SLC9A6: variants seen among roughly 807,000 people sequenced by gnomAD.
SLC9A6 encodes solute carrier family 9 member A6.
In SLC9A6, 6 loss-of-function variants were observed where a neutral mutation model predicts 45.3. That is an observed-to-expected ratio of 0.13 (90% CI 0.07 to 0.26). The LOEUF is 0.26. Among genes scored for constraint, SLC9A6 ranks in the 10% least tolerant of loss-of-function variants. The pLI, the probability that SLC9A6 is intolerant of heterozygous loss-of-function variation, is 1.00. For synonymous variants in SLC9A6, 191 were observed against 187.7 expected, an observed-to-expected ratio of 1.02 and a Z score of -0.14; for missense variants, 278 against 503.7, an observed-to-expected ratio of 0.55 and a Z score of 4.29.
At chrX:136,038,374 C>T (rs1432253055) in intron 16 of SLC9A6, among the ~76,000 whole-genome samples, 2 of 112,078 alleles carry the variant, frequency 1.8e-5, no homozygotes, top group Non-Finnish European at 3.8e-5. Context: ...ACTAGTCTTG[C>T]ATTGCTGGAA....
chrX:136,009,020 G>T (rs781839644), intron 7 of SLC9A6, among the ~76,000 whole-genome samples: 1 of 111,982 alleles, frequency 8.9e-6, no homozygotes, highest in Non-Finnish European at 1.9e-5. Flanking sequence ...TAGGTATTTT[G>T]TTCCAGAGAG....
chrX:136,013,464 T>C (rs2070960868), intron 10 of SLC9A6, 27 bp downstream of exon 10: 11 of 1,035,479 alleles, frequency 1.1e-5, no homozygotes, highest in Non-Finnish European at 1.5e-5. Context: ...AGTTTGTGAA[T>C]AGGCTTTTCC....
chrX:135,994,962 C>G lies in SLC9A6; in HGVS notation c.346C>G (p.Gln116Glu). The G allele has an allele frequency of 1.0e-5, 12 of 1,191,724 alleles. No homozygotes were observed. The highest frequency in any genetic ancestry group is 1.4e-5 in the Non-Finnish European group (12 of 877,817). Residue 116 changes from glutamine to glutamate, a missense_variant, in exon 3 of 18, where the codon CAA (glutamine) becomes GAA (glutamate). By Grantham distance (29) the Gln-to-Glu change is conservative (BLOSUM62 2). Around this residue, in one of 5 missense-constraint regions of SLC9A6, gnomAD observed 118 missense variants for 209.9 expected, o/e 0.56. Coordinates refer to ENST00000630721, the MANE Select transcript of SLC9A6 (RefSeq NM_001379110.1). ...EISSHELNNV[Q>E]DNEMLRKVTF... ...TAGTTCACATGAACTCAATAATGTT[C>G]AAGATAATGAAATGCTTAGAAAGGT... is the stretch of plus-strand genomic sequence containing the variant.
chrX:136,011,206 A>G (rs548489389), intron 8 of SLC9A6, among the ~76,000 whole-genome samples: 2 of 112,497 alleles, frequency 1.8e-5, no homozygotes, highest in African/African-American at 6.5e-5. Context: ...GCACTTGTGC[A>G]TCCTGAATCT....
At chrX:136,002,072 T>A (rs1556617427) in intron 6 of SLC9A6, 36 bp from the exon 7 acceptor site, 46 of 890,847 alleles carry the variant, frequency 5.2e-5, no homozygotes, top group Non-Finnish European at 7.5e-5. Context: ...ATATTTGTAA[T>A]GTCTAAGTAT....
At chrX:136,025,070 A>G (rs2071203271) in intron 13 of SLC9A6, among the ~76,000 whole-genome samples, 1 of 112,500 alleles carries the variant, frequency 8.9e-6, no homozygotes, top group African/African-American at 3.2e-5. Flanking sequence ...TCACCAGGTC[A>G]GATAAAAAAT....
In SLC9A6 at chrX:135,996,598, G is replaced by A. The variant is rs191396394; in HGVS notation, c.370-1510G>A. 3.6e-5 allele frequency among the ~76,000 whole-genome samples: 4 copies of A among 111,632 alleles called. No homozygotes were observed. The East Asian group carries it at 1.1e-3, about 31-fold the overall frequency. On this transcript the variant is annotated intron_variant, in intron 3 of 17. Coordinates refer to ENST00000630721, the MANE Select transcript of SLC9A6 (RefSeq NM_001379110.1). ...GCTATCGGAAGTAGAAATCTGAGCTGTACAGAAACTTTTTACTACAATATT... is the reference window on the plus strand; with the variant it reads ...GCTATCGGAAGTAGAAATCTGAGCTATACAGAAACTTTTTACTACAATATT...
intron 17 of SLC9A6, among the ~76,000 whole-genome samples, 153 bp from the exon 18 acceptor site, chrX:136,044,299 G>T (rs948860740): frequency 1.8e-5 from 2 of 111,278 alleles, no homozygotes; most frequent in Non-Finnish European, 1.9e-5. Context: ...AAGTCACGCT[G>T]TATTTTAAGC....
upstream of SLC9A6, chrX:135,974,488 GCCGAGGGGCGGGAGGA>G: frequency 8.4e-6 from 2 of 237,707 alleles, no homozygotes; most frequent in Admixed American, 4.5e-5. Flanking sequence ...AGGAGGTGGG[GCCGAGGGGCGGGAGGA>G]GGTGGGGCCG....
intron 12 of SLC9A6, 45 bp downstream of exon 12, chrX:136,022,742 A>G (rs781846265): frequency 1.4e-5 from 11 of 784,601 alleles, no homozygotes; most frequent in African/African-American, 2.1e-5. Flanking sequence ...GCAACCATTC[A>G]CAATGCGTGT....
In SLC9A6 at chrX:135,985,826, T is replaced by C. The variant is rs782671441; in HGVS notation, c.168T>C (p.Tyr56=). ...FLHETGLAMI[Y]GLLVGLVLRY... ...ACGAAACCGGCCTGGCTATGATTTA[T>C]GGCAAGTTCCTCAACCCTTGTCAGC... is the stretch of plus-strand genomic sequence containing the variant. Residue 56 remains tyrosine, a splice_region_variant and synonymous_variant, in exon 2 of 18, where the codon TAT becomes TAC. Coordinates refer to ENST00000630721, the MANE Select transcript of SLC9A6 (RefSeq NM_001379110.1). 4.1e-6 allele frequency: 5 copies of C among 1,211,348 alleles called. No individual in the cohort carries two copies. In the Admixed American group the frequency reaches 8.7e-5, roughly 21 times the overall value.
intron 6 of SLC9A6, among the ~76,000 whole-genome samples, chrX:136,000,920 G>A (rs917331693): frequency 2.5e-4 from 28 of 111,309 alleles, no homozygotes; most frequent in Middle Eastern, 4.7e-3. Flanking sequence ...AGGGGTTTGA[G>A]GCTGCAGTGA....
chrX:135,998,464 CTTT>C lies in SLC9A6; in HGVS notation c.448-8_448-6del. The C allele has an allele frequency of 2.4e-6, 2 of 839,001 alleles. No homozygotes were observed. The highest frequency in any genetic ancestry group is 3.3e-6 in the Non-Finnish European group (2 of 614,977). 69.1% of individuals were successfully genotyped at this position (839,001 alleles called of 1,213,427 possible). A position where few individuals can be genotyped will look rare whatever the true frequency, so the allele number is the denominator to read the frequency against. ...ACTGGTAAGTATTCTAACAGTGTAACTTTTTTTTTTTTGTCAGAGACATTTTTT... is the reference window on the plus strand; with the variant it reads ...ACTGGTAAGTATTCTAACAGTGTAACTTTTTTTTTGTCAGAGACATTTTTT... On this transcript the variant is annotated splice_polypyrimidine_tract_variant and intron_variant, in intron 4 of 17. Transcript: ENST00000630721.
At chrX:136,022,160 A>T (rs2071137776) in intron 11 of SLC9A6, among the ~76,000 whole-genome samples, 3 of 111,627 alleles carry the variant, frequency 2.7e-5, no homozygotes, top group Admixed American at 9.6e-5. Flanking sequence ...CTTCCTACCA[A>T]CACTGACAAT....
rs2089593239 is a variant in SLC9A6, at chrX:136,002,187, T to C, written c.717T>C (p.Asn239=). ...YALLFGESVL[N]DAVAIVLSSS... is the part of the protein sequence containing the mutation. The stretch of plus-strand genomic sequence containing the variant: ...TTCTTTTTGGTGAAAGTGTCCTCAA[T>C]GATGCTGTTGCCATAGTGCTGTCCT... The change falls in exon 7 of 18, where the codon AAT becomes AAC. Residue 239 remains asparagine (N), a synonymous_variant. Coordinates refer to ENST00000630721, the MANE Select transcript of SLC9A6 (RefSeq NM_001379110.1). 2 of 1,196,225 alleles carry C rather than the reference T, an allele frequency of 1.7e-6. No individual in the cohort carries two copies. Among genetic ancestry groups the C allele is most frequent in the Non-Finnish European group, 2.3e-6 (2 of 881,256 alleles).
chrX:135,973,867 T>C, upstream of SLC9A6: 1 of 1,156,928 alleles, frequency 8.6e-7, no homozygotes, highest in Non-Finnish European at 1.2e-6. Flanking sequence ...AGCAGAAAGC[T>C]ACACGGAAAA....
rs1470914353 is a variant in SLC9A6 at position 136,027,341 on chromosome X, A to C, written c.1461-1545A>C. On this transcript the variant is annotated intron_variant, in intron 13 of 17. Transcript: ENST00000630721. ...CCTACGTGACTAGATGGTGCCAGTT[A>C]AACAGTCATCAGGAAGAAGAGCAGT... 4.5e-5 allele frequency among the ~76,000 whole-genome samples: 5 copies of C among 111,727 alleles called. No homozygotes were observed. The Admixed American group carries it at 4.8e-4, about 11-fold the overall frequency.
At chrX:135,974,584 G>C, upstream of SLC9A6, 1 of 339,842 alleles carries the variant, frequency 2.9e-6, no homozygotes, top group Admixed American at 3.1e-5. Flanking sequence ...GTTGTGTTTT[G>C]TGGGTTGGTT....
intron 16 of SLC9A6, among the ~76,000 whole-genome samples, chrX:136,039,184 C>T (rs1426413998): frequency 1.8e-5 from 2 of 108,505 alleles, no homozygotes; most frequent in Non-Finnish European, 3.8e-5. Context: ...AGCAACATAG[C>T]GAGACCCTGT....
Sources: gnomAD v4.1 joint callset for allele counts (sites outside exome capture counted in the v4.1 genomes callset) on GRCh38, gnomAD v4.1.1 for gene constraint, gnomAD v4.1.1 regional missense constraint, MANE v1.5 for transcripts, NCBI Gene and HGNC (gene_info 2026-07-23, HGNC 2026-07-21) for gene names.